Variants in RNLS observed in about 807,000 individuals in gnomAD.
The protein encoded by RNLS is renalase.
Under a neutral mutation model 39.8 loss-of-function variants are expected in RNLS, and 39 were observed. The observed-to-expected ratio is 0.98, with a 90% CI of 0.76 to 1.28. The LOEUF is 1.28. RNLS is among the 50% of genes most tolerant of loss of function. The pLI is 0.00. For synonymous variants in RNLS, 147 were observed against 150.7 expected, an observed-to-expected ratio of 0.98 and a Z score of 0.18; for missense variants, 410 against 413.3, an observed-to-expected ratio of 0.99 and a Z score of 0.07.
intron 4 of RNLS, among the ~76,000 whole-genome samples, chr10:88,563,913 T>C (rs564970484): frequency 6.6e-6 from 1 of 152,330 alleles, no homozygotes; most frequent in Admixed American, 6.5e-5. Flanking sequence ...TTGAAAACTT[T>C]TCTACATTGA....
intron 4 of RNLS, among the ~76,000 whole-genome samples, chr10:88,521,468 C>T (rs572252858): frequency 6.6e-6 from 1 of 151,926 alleles, no homozygotes; most frequent in South Asian, 2.1e-4. Flanking sequence ...TTCAGTCTGT[C>T]CCTAATGGGC....
intron 4 of RNLS, among the ~76,000 whole-genome samples, chr10:88,463,196 T>C (rs1209216584): frequency 6.6e-6 from 1 of 152,030 alleles, no homozygotes; most frequent in East Asian, 1.9e-4. Context: ...CAACTGTCAT[T>C]AGTTAAGGTG....
intron 5 of RNLS, among the ~76,000 whole-genome samples, chr10:88,347,408 C>A (rs961428446): frequency 6.6e-6 from 1 of 152,108 alleles, no homozygotes; most frequent in Non-Finnish European, 1.5e-5. Context: ...GCAAGCTGAG[C>A]TTTCTATATT....
intron 6 of RNLS, among the ~76,000 whole-genome samples, chr10:88,306,451 AAG>A (rs760158302): frequency 5.1e-4 from 78 of 152,170 alleles, no homozygotes; most frequent in Non-Finnish European, 1.5e-5. Flanking sequence ...TAAAGAAGAA[AAG>A]AGAGAAGATC....
chr10:88,524,170 G>A (rs1846935295), intron 4 of RNLS, among the ~76,000 whole-genome samples: 1 of 151,678 alleles, frequency 6.6e-6, no homozygotes, highest in South Asian at 2.1e-4. Flanking sequence ...TCTTTCCCTG[G>A]CTATAGGCAG....
intron 5 of RNLS, among the ~76,000 whole-genome samples, chr10:88,331,550 T>C (rs976445853): frequency 9.2e-5 from 14 of 152,202 alleles, no homozygotes; most frequent in Non-Finnish European, 2.1e-4. Context: ...ACAGAATCAT[T>C]ATCCACTAAA....
chr10:88,456,860 C>A (rs1463375021), intron 4 of RNLS, among the ~76,000 whole-genome samples: 3 of 152,118 alleles, frequency 2.0e-5, no homozygotes, highest in African/African-American at 7.2e-5. Flanking sequence ...TTGTGGTGTA[C>A]CTCACCATCA....
downstream of RNLS, among the ~76,000 whole-genome samples, chr10:88,283,049 G>C (rs1430921540): frequency 1.3e-5 from 2 of 152,150 alleles, no homozygotes; most frequent in African/African-American, 4.8e-5. Context: ...CATACACCTT[G>C]GCCACTGTTC....
At chr10:88,350,879 C>T (rs1048904795) in intron 5 of RNLS, among the ~76,000 whole-genome samples, 1 of 152,162 alleles carries the variant, frequency 6.6e-6, no homozygotes, top group Non-Finnish European at 1.5e-5. Flanking sequence ...TTCTCCACAT[C>T]CTCTCCAGCA....
chr10:88,492,756 T>TTG (rs1352526129), intron 4 of RNLS, among the ~76,000 whole-genome samples: 1 of 151,998 alleles, frequency 6.6e-6, no homozygotes, highest in Non-Finnish European at 1.5e-5. Context: ...CTCCCCAGTT[T>TTG]TGTGTGTGTG....
chr10:88,292,459 C>T (rs1173639506), intron 6 of RNLS, among the ~76,000 whole-genome samples: 1 of 151,570 alleles, frequency 6.6e-6, no homozygotes, highest in Non-Finnish European at 1.5e-5. Flanking sequence ...AAGGCTTTAT[C>T]TTTGCCTGTA....
chr10:88,227,246 A>C, the RNLS span, among the ~76,000 whole-genome samples: 1 of 152,230 alleles, frequency 6.6e-6, no homozygotes, highest in African/African-American at 2.4e-5. Flanking sequence ...GCCTAGATAC[A>C]GCAATGGCTT....
At chr10:88,516,442 C>T (rs888906974) in intron 4 of RNLS, among the ~76,000 whole-genome samples, 1 of 151,896 alleles carries the variant, frequency 6.6e-6, no homozygotes, top group East Asian at 1.9e-4. Flanking sequence ...TTTGATTAGG[C>T]AAGGCTCTTT....
chr10:88,299,322 G>A (rs924698564), intron 6 of RNLS, among the ~76,000 whole-genome samples: 4 of 152,054 alleles, frequency 2.6e-5, no homozygotes, highest in African/African-American at 9.7e-5. Context: ...GCTTTTCTGT[G>A]TTCTATCTAA....
chr10:88,469,366 T>G (rs755699055), intron 4 of RNLS, among the ~76,000 whole-genome samples: 3 of 152,134 alleles, frequency 2.0e-5, no homozygotes, highest in Non-Finnish European at 4.4e-5. Context: ...TCAGAGTCAT[T>G]CCTGGGGATC....
chr10:88,491,390 C>T (rs1307895901), intron 4 of RNLS, among the ~76,000 whole-genome samples: 2 of 152,132 alleles, frequency 1.3e-5, no homozygotes, highest in African/African-American at 2.4e-5. Flanking sequence ...CCGTAGTGGA[C>T]AGGCTTATGG....
intron 4 of RNLS, among the ~76,000 whole-genome samples, chr10:88,553,014 C>A (rs1029866224): frequency 6.6e-6 from 1 of 152,048 alleles, no homozygotes; most frequent in African/African-American, 2.4e-5. Context: ...ATTATGAAAA[C>A]AAAGAGAACC....
downstream of RNLS, among the ~76,000 whole-genome samples, chr10:88,283,129 G>A (rs1213568994): frequency 1.3e-5 from 2 of 152,104 alleles, no homozygotes; most frequent in African/African-American, 2.4e-5. Context: ...GAGCATCCTG[G>A]CCAGCTGAAT....
intron 4 of RNLS, among the ~76,000 whole-genome samples, chr10:88,567,067 A>C (rs1051125391): frequency 6.6e-6 from 1 of 152,176 alleles, no homozygotes; most frequent in Non-Finnish European, 1.5e-5. Flanking sequence ...TTTGAAAGCA[A>C]AATAAAATTA....
Sources: gnomAD v4.1 joint callset for allele counts (sites outside exome capture counted in the v4.1 genomes callset) on GRCh38, gnomAD v4.1.1 for gene constraint, MANE v1.5 for transcripts, NCBI Gene and HGNC (gene_info 2026-07-23, HGNC 2026-07-21) for gene names.